Variants in RASGEF1A observed in about 807,000 individuals in gnomAD.
The protein encoded by RASGEF1A is RasGEF domain family member 1A.
Under a neutral mutation model 56.4 loss-of-function variants are expected in RASGEF1A, and 18 were observed. The ratio of observed to expected loss-of-function variants is 0.32; its 90% confidence interval spans 0.22 to 0.47. The LOEUF is 0.47. Ranked by LOEUF, RASGEF1A falls within the 20% of genes least tolerant of loss-of-function variation. The probability of loss-of-function intolerance (pLI) is 1.00; values close to 1 mark genes in which losing one functional copy is unlikely to be tolerated. For missense variants in RASGEF1A, 422 were observed against 627.1 expected, an observed-to-expected ratio of 0.67 and a Z score of 3.49; for synonymous variants, 245 against 242.6, an observed-to-expected ratio of 1.01 and a Z score of -0.09.
At chr10:43,229,666 G>A in intron 1 of RASGEF1A, 2 of 1,489,928 alleles carry the variant, frequency 1.3e-6, no homozygotes, top group Non-Finnish European at 8.9e-7. Flanking sequence ...CTGGCCGCCG[G>A]CTCCCCGCGC....
At chr10:43,232,128 G>A (rs1157475028) in intron 1 of RASGEF1A, among the ~76,000 whole-genome samples, 3 of 152,224 alleles carry the variant, frequency 2.0e-5, no homozygotes, top group Non-Finnish European at 2.9e-5. Context: ...TATGATTTGG[G>A]TTTGTGTCCC....
chr10:43,220,953 C>T (rs1564534811), intron 1 of RASGEF1A, among the ~76,000 whole-genome samples: 1 of 152,136 alleles, frequency 6.6e-6, no homozygotes, highest in East Asian at 1.9e-4. Flanking sequence ...CAAAAGGCAC[C>T]TGAAGATGAT....
chr10:43,197,264 C>A (rs1284845539), intron 10 of RASGEF1A, among the ~76,000 whole-genome samples, 165 bp from the exon 11 acceptor site: 2 of 152,186 alleles, frequency 1.3e-5, no homozygotes, highest in Non-Finnish European at 2.9e-5. Context: ...TGGTGGCACG[C>A]CATGCAGCCT....
intron 1 of RASGEF1A, among the ~76,000 whole-genome samples, chr10:43,241,637 A>C (rs1374813049): frequency 1.3e-5 from 2 of 152,190 alleles, no homozygotes; most frequent in Non-Finnish European, 2.9e-5. Flanking sequence ...AAAGAAGAAA[A>C]TAATGAAGGA....
In RASGEF1A at chr10:43,264,195, C is replaced by T. The variant is rs190489620; in HGVS notation, c.-7+2650G>A. Among the ~76,000 whole-genome samples, 727 of 151,882 alleles carry T rather than the reference C, an allele frequency of 4.8e-3. 3 individuals are homozygous for T. The highest frequency in any genetic ancestry group is 5.9e-3 in the Non-Finnish European group (399 of 67,918). On this transcript the variant is annotated intron_variant, in intron 1 of 12. Coordinates refer to ENST00000395810, the MANE Select transcript of RASGEF1A (RefSeq NM_145313.4). ...CTGGGGAATTCCTGGTGTCCCAGCG[C>T]GCAGGGACATTCTGCATGGGTTCCT...
Position 43,195,981 on chromosome 10 carries a change from G to A in RASGEF1A, c.*263C>T. The A allele has an allele frequency of 3.1e-6, 1 of 324,572 alleles. No individual in the cohort carries two copies. The highest frequency in any genetic ancestry group is 5.6e-6 in the Non-Finnish European group (1 of 180,044). 20.1% of individuals were successfully genotyped at this position (324,572 alleles called of 1,614,324 possible). Reference sequence around the variant, plus strand: ...AAAAATCTACATTTCATTAGAATAAGATGTTATCATGGATACCATCTCCCA... The same window carrying A: ...AAAAATCTACATTTCATTAGAATAAAATGTTATCATGGATACCATCTCCCA... On this transcript the variant is annotated 3_prime_UTR_variant, in exon 13 of 13. Transcript: ENST00000395810. This position sits in a 1 kb window ranked among gnomAD's most constrained non-coding sequence, Gnocchi z 4.2.
At chr10:43,204,323 G>A (rs765114346) in intron 2 of RASGEF1A, among the ~76,000 whole-genome samples, 2 of 152,184 alleles carry the variant, frequency 1.3e-5, no homozygotes, top group Non-Finnish European at 2.9e-5. Flanking sequence ...CTTGCTGGGA[G>A]TACAGGCCTC....
chr10:43,252,020 T>C (rs1840632483), intron 1 of RASGEF1A, among the ~76,000 whole-genome samples: 1 of 152,142 alleles, frequency 6.6e-6, no homozygotes, highest in Non-Finnish European at 1.5e-5. Context: ...CACAGGGTGG[T>C]GTCGAGCTCC....
intron 1 of RASGEF1A, among the ~76,000 whole-genome samples, chr10:43,224,708 C>T (rs552244050): frequency 6.6e-6 from 1 of 152,312 alleles, no homozygotes; most frequent in East Asian, 1.9e-4. Context: ...AAGACAACTG[C>T]TATTATTTAA....
chr10:43,207,566 G>C (rs962461016), intron 1 of RASGEF1A: 15 of 985,480 alleles, frequency 1.5e-5, no homozygotes, highest in Non-Finnish European at 1.8e-5. Flanking sequence ...AGGAGAGCAA[G>C]AACGCAACCA....
chr10:43,251,643 T>C (rs969119071), intron 1 of RASGEF1A, among the ~76,000 whole-genome samples: 24 of 152,148 alleles, frequency 1.6e-4, no homozygotes, highest in African/African-American at 5.6e-4. Context: ...GGCACAGTCC[T>C]GTTAATTGCG....
chr10:43,263,002 G>A (rs1411038475), intron 1 of RASGEF1A, among the ~76,000 whole-genome samples: 1 of 152,182 alleles, frequency 6.6e-6, no homozygotes, highest in Non-Finnish European at 1.5e-5. Context: ...CTCAGATGGG[G>A]AACCTGGGGC....
intron 1 of RASGEF1A, among the ~76,000 whole-genome samples, chr10:43,236,901 G>C (rs990635725): frequency 6.6e-6 from 1 of 152,114 alleles, no homozygotes; most frequent in African/African-American, 2.4e-5. Flanking sequence ...TAGGACCATA[G>C]GGGGGTCTCA....
At chr10:43,210,035 G>A (rs537107567) in intron 1 of RASGEF1A, among the ~76,000 whole-genome samples, 2 of 152,368 alleles carry the variant, frequency 1.3e-5, no homozygotes, top group African/African-American at 4.8e-5. Flanking sequence ...TTGTCAAAGA[G>A]CAGATCTCAA....
intron 1 of RASGEF1A, among the ~76,000 whole-genome samples, chr10:43,221,976 G>A (rs981562577): frequency 1.4e-4 from 22 of 152,302 alleles, no homozygotes; most frequent in East Asian, 9.6e-4. Context: ...CATTCGCGAC[G>A]GGGATACCTC....
intron 1 of RASGEF1A, among the ~76,000 whole-genome samples, chr10:43,212,652 G>A (rs79815661): frequency 1.1e-4 from 17 of 152,356 alleles, no homozygotes; most frequent in East Asian, 3.9e-4. Flanking sequence ...GTGCTCACAC[G>A]CAGGGCGTGC....
At chr10:43,200,297 C>G in intron 5 of RASGEF1A, 41 bp from the exon 6 acceptor site, 1 of 1,523,912 alleles carries the variant, frequency 6.6e-7, no homozygotes, top group Non-Finnish European at 9.0e-7. Flanking sequence ...CAAGCTTCCC[C>G]TGGAGAAGGG....
At chr10:43,221,409 GGC>G (rs1840205857) in intron 1 of RASGEF1A, among the ~76,000 whole-genome samples, 2 of 152,184 alleles carry the variant, frequency 1.3e-5, no homozygotes, top group Non-Finnish European at 2.9e-5. Flanking sequence ...TCCCCAGGGT[GGC>G]CCTCCTGCTG....
chr10:43,203,692 C>T (rs80014764), intron 2 of RASGEF1A: 65 of 1,176,834 alleles, frequency 5.5e-5, no homozygotes, highest in East Asian at 2.2e-4. Flanking sequence ...GATTCTCCCC[C>T]TCTCTGCCCC....
Sources: gnomAD v4.1 joint callset for allele counts (sites outside exome capture counted in the v4.1 genomes callset) on GRCh38, gnomAD v4.1.1 for gene constraint, Gnocchi (gnomAD v3.1) non-coding constraint, MANE v1.5 for transcripts, NCBI Gene and HGNC (gene_info 2026-07-23, HGNC 2026-07-21) for gene names.